The following COP1 variants were observed in gnomAD, a reference collection of about 807,000 sequenced individuals.
The protein encoded by COP1 is E3 ubiquitin-protein ligase COP1.
In COP1, 24 loss-of-function variants were observed where a neutral mutation model predicts 101.3. That is an observed-to-expected ratio of 0.24 (90% confidence interval 0.17 to 0.33). The LOEUF is 0.33. COP1 is among the 10% of genes least tolerant of loss of function. COP1 has a pLI of 1.00. For missense variants in COP1, 663 were observed against 906.2 expected, an observed-to-expected ratio of 0.73 and a Z score of 3.45; for synonymous variants, 347 against 341.9, an observed-to-expected ratio of 1.01 and a Z score of -0.17.
rs141929602 is a variant in COP1 at position 175,963,552 on chromosome 1, A to G, written c.2134-16313T>C. Among the ~76,000 whole-genome samples the G allele has an allele frequency of 2.6e-3, 399 of 152,302 alleles. 3 individuals carry two copies. The highest frequency in any genetic ancestry group is 9.2e-3 in the African/African-American group (381 of 41,562). On this transcript the variant is annotated intron_variant, in intron 18 of 19. Coordinates refer to ENST00000367669, the MANE Select transcript of COP1 (RefSeq NM_022457.7). ...TCAATTTCACTTTTAAAGGAACTCA[A>G]GCATATATGCCTTAAAAGATTGATG...
intron 15 of COP1, among the ~76,000 whole-genome samples, chr1:176,015,069 T>C (rs1045977060): frequency 2.0e-5 from 3 of 151,976 alleles, no homozygotes; most frequent in Admixed American, 6.6e-5. Context: ...TTTGAGGAGA[T>C]GATGTTTAAG....
intron 15 of COP1, among the ~76,000 whole-genome samples, chr1:175,998,182 A>G (rs1459729020): frequency 2.1e-3 from 315 of 151,470 alleles, no homozygotes; most frequent in Non-Finnish European, 3.7e-3. Flanking sequence ...GAAATTGGAA[A>G]TCATCATTCT....
chr1:175,993,342 C>T (rs4497165), intron 15 of COP1, among the ~76,000 whole-genome samples: 10,049 of 152,260 alleles, frequency 0.066, 414 homozygotes, highest in Middle Eastern at 0.13. Flanking sequence ...AGTGCCTCTC[C>T]TCCTCCAAAG....
At chr1:176,150,192 TC>T (rs1397585832) in intron 5 of COP1, among the ~76,000 whole-genome samples, 7 of 152,172 alleles carry the variant, frequency 4.6e-5, no homozygotes, top group Non-Finnish European at 1.0e-4. Context: ...CACACCCACT[TC>T]CAGAGTCTAT....
At chr1:176,132,184 C>T (rs1688991959) in intron 8 of COP1, among the ~76,000 whole-genome samples, 1 of 151,708 alleles carries the variant, frequency 6.6e-6, no homozygotes, top group South Asian at 2.1e-4. Flanking sequence ...CACATCTTCT[C>T]TGTCCTCCAC....
intron 15 of COP1, among the ~76,000 whole-genome samples, chr1:176,013,415 G>A (rs1390225314): frequency 6.6e-6 from 1 of 152,128 alleles, no homozygotes; most frequent in Admixed American, 6.6e-5. Flanking sequence ...TTTGCTCTTT[G>A]TAGTATCTTA....
At chr1:175,994,478 G>C (rs952677177) in intron 15 of COP1, among the ~76,000 whole-genome samples, 3 of 152,216 alleles carry the variant, frequency 2.0e-5, no homozygotes, top group African/African-American at 7.2e-5. Context: ...AGACCCATCA[G>C]TGTGCTGTAT....
In COP1 at chr1:176,003,520, T is replaced by A. The variant is rs531622469; in HGVS notation, c.1730-14041A>T. Among the ~76,000 whole-genome samples the A allele has an allele frequency of 4.6e-5, 7 of 151,888 alleles. No homozygotes were observed. The East Asian group carries it at 1.4e-3, about 29-fold the overall frequency. On this transcript the variant is annotated intron_variant, in intron 15 of 19. Transcript: ENST00000367669. ...AAGTCTTTAATCCATCTTGAATTGA[T>A]TTTTGTATAAGGTGTAAGGAAGGGA...
In COP1 at chr1:175,949,168, C is replaced by CA. The variant is rs56280543; in HGVS notation, c.2134-1930dup. Among the ~76,000 whole-genome samples the CA allele has an allele frequency of 4.2e-3, 181 of 43,130 alleles. 7 individuals carry two copies. Among genetic ancestry groups the CA allele is most frequent in the African/African-American group, 0.018 (176 of 9,686 alleles). 28.3% of individuals were successfully genotyped at this position (43,130 alleles called of 152,430 possible). On this transcript the variant is annotated intron_variant, in intron 18 of 19. Coordinates refer to ENST00000367669, the MANE Select transcript of COP1 (RefSeq NM_022457.7). ...GAGAGACTCCAGCAAGGCTCCGTCT[C>CA]AAAAAAAAAAAAAAAAAAAAAAAAT...
chr1:176,193,188 T>G (rs1442097419), intron 1 of COP1, among the ~76,000 whole-genome samples: 1 of 152,122 alleles, frequency 6.6e-6, no homozygotes, highest in Non-Finnish European at 1.5e-5. Context: ...TTAACCTCAC[T>G]AGTGAAAAGG....
At chr1:176,122,008 C>T (rs1376030260) in intron 8 of COP1, among the ~76,000 whole-genome samples, 6 of 151,676 alleles carry the variant, frequency 4.0e-5, no homozygotes, top group African/African-American at 9.7e-5. Context: ...GGCATGGTGG[C>T]GGGCGCCTGT....
At chr1:175,955,682 AAACT>A (rs1390710604) in intron 18 of COP1, among the ~76,000 whole-genome samples, 5 of 152,106 alleles carry the variant, frequency 3.3e-5, no homozygotes, top group Middle Eastern at 3.4e-3. Flanking sequence ...TCACTTCCAT[AAACT>A]AACAATAAAT....
Position 176,085,816 on chromosome 1 carries a change from C to G in COP1, c.1101G>C (p.Leu367Phe). Residue 367 changes from leucine to phenylalanine, a missense_variant, in exon 10 of 20, where the codon TTG becomes TTC. Transcript: ENST00000367669. ...TCCTTGTAGAAAAGTAACACTGCTC[C>G]AAGTCTTCAAAATGAGCAGTAAGTC... ...RKRLTAHFED[L>F]EQCYFSTRMS... 1.2e-6 allele frequency: 2 copies of G among 1,606,784 alleles called. No homozygotes were observed. Among genetic ancestry groups the G allele is most frequent in the Non-Finnish European group, 1.7e-6 (2 of 1,174,728 alleles).
At chr1:176,039,241 T>A (rs865824550) in intron 14 of COP1, among the ~76,000 whole-genome samples, 1 of 152,130 alleles carries the variant, frequency 6.6e-6, no homozygotes, top group Admixed American at 6.6e-5. Flanking sequence ...CAGGGGAAAT[T>A]TAAAATATTC....
intron 3 of COP1, among the ~76,000 whole-genome samples, chr1:176,170,799 C>A (rs988758114): frequency 6.6e-6 from 1 of 152,110 alleles, no homozygotes; most frequent in Non-Finnish European, 1.5e-5. Flanking sequence ...CCCTCTCCAG[C>A]AATTAAAGTC....
chr1:175,967,166 T>C (rs1016132180), intron 18 of COP1, among the ~76,000 whole-genome samples: 10 of 152,196 alleles, frequency 6.6e-5, no homozygotes, highest in Admixed American at 6.5e-5. Flanking sequence ...GTAAGAAATA[T>C]GGGATTTCAG....
At chr1:176,200,495 T>C (rs1700155349) in intron 1 of COP1, among the ~76,000 whole-genome samples, 1 of 152,106 alleles carries the variant, frequency 6.6e-6, no homozygotes, top group South Asian at 2.1e-4. Flanking sequence ...AATTCTGAAT[T>C]TGGGGAAAAA....
chr1:176,159,793 C>T (rs1048851420), intron 5 of COP1, among the ~76,000 whole-genome samples: 19 of 152,040 alleles, frequency 1.2e-4, no homozygotes, highest in African/African-American at 4.3e-4. Context: ...CATACACATG[C>T]TTGAGAAGGA....
chr1:175,992,995 A>T (rs1201676101), intron 15 of COP1, among the ~76,000 whole-genome samples: 1 of 152,210 alleles, frequency 6.6e-6, no homozygotes, highest in Non-Finnish European at 1.5e-5. Flanking sequence ...GGCACCACCC[A>T]GTAGGGGCAA....
Sources: gnomAD v4.1 joint callset for allele counts (sites outside exome capture counted in the v4.1 genomes callset) on GRCh38, gnomAD v4.1.1 for gene constraint, MANE v1.5 for transcripts, NCBI Gene and HGNC (gene_info 2026-07-23, HGNC 2026-07-21) for gene names.